The following ERICH5 variants were observed in gnomAD, a reference collection of about 807,000 sequenced individuals.
ERICH5 encodes the protein glutamate rich 5, also known as glutamate-rich protein 5.
In ERICH5, 24 loss-of-function variants were observed where a neutral mutation model predicts 28.0. The ratio of observed to expected loss-of-function variants is 0.86; its 90% confidence interval spans 0.62 to 1.21. The LOEUF (loss-of-function observed/expected upper bound fraction) is 1.21. ERICH5 is among the 50% of genes most tolerant of loss of function. The pLI is 0.00. For synonymous variants in ERICH5, 163 were observed against 157.6 expected (o/e 1.03, Z -0.25); for missense variants, 421 against 441.2 (o/e 0.95, Z 0.41).
At chr8:98,081,486 G>T (rs1021870746) in intron 1 of ERICH5, among the ~76,000 whole-genome samples, 1 of 152,138 alleles carries the variant, frequency 6.6e-6, no homozygotes, top group Non-Finnish European at 1.5e-5. Context: ...AAGATTAGTG[G>T]GTGCTAGTCT....
At position 98,091,888 on chromosome 8, in the gene ERICH5, CT is replaced by C. The variant is rs1215335302; in HGVS notation, c.1013-1330del. Among the ~76,000 whole-genome samples the C allele has an allele frequency of 3.6e-4, 28 of 77,810 alleles. 2 individuals carry two copies. The highest frequency in any genetic ancestry group is 1.3e-3 in the African/African-American group (23 of 17,224). 51.0% of individuals were successfully genotyped at this position (77,810 alleles called of 152,430 possible). On this transcript the variant is annotated intron_variant, in intron 2 of 2. Transcript: ENST00000318528. ...TCTTTCTTTCTTTCTTTCTTTCTTT[CT>C]TTCTTTCTTTCCTTTCTTTCTTTCT...
At chr8:98,079,371 C>T (rs1032054462) in intron 1 of ERICH5, among the ~76,000 whole-genome samples, 4 of 151,692 alleles carry the variant, frequency 2.6e-5, no homozygotes, top group Non-Finnish European at 5.9e-5. Flanking sequence ...ACCCCTGTGC[C>T]CACCCAGATC....
At chr8:98,091,993 C>CTTCCTTCCTTCCTTCCTTCCTT (rs1554621761) in intron 2 of ERICH5, among the ~76,000 whole-genome samples, 7 of 55,024 alleles carry the variant, frequency 1.3e-4, no homozygotes, top group African/African-American at 3.5e-4. Context: ...TCTCTCTCTC[C>CTTCCTTCCTTCCTTCCTTCCTT]CCTTCCTTCC....
At chr8:98,076,798 G>A (rs1815062674) in intron 1 of ERICH5, among the ~76,000 whole-genome samples, 1 of 148,726 alleles carries the variant, frequency 6.7e-6, no homozygotes, top group Admixed American at 7.0e-5. Flanking sequence ...ATTCTGGGGT[G>A]GAGCCCAAGA....
chr8:98,089,727 T>G lies in ERICH5; in HGVS notation c.710T>G (p.Val237Gly), dbSNP rs750333521. The G allele has an allele frequency of 1.4e-5, 22 of 1,613,932 alleles. No homozygotes were observed. The highest frequency in any genetic ancestry group is 2.7e-5 in the African/African-American group (2 of 74,888). ...GAAATATTGGAAGGAAGTCAGTTTG[T>G]GGAAACAGCTGAAGAGCAGCAACTT... ...SPEILEGSQF[V>G]ETAEEQQLQA... Residue 237 changes from valine (V) to glycine (G), a missense_variant, in exon 2 of 3, where the codon GTG (valine) becomes GGG (glycine). Transcript: ENST00000318528.
At position 98,093,140 on chromosome 8, in the gene ERICH5, C is replaced by T; in HGVS notation, c.1013-81C>T. On this transcript the variant is annotated intron_variant, in intron 2 of 2. Coordinates refer to ENST00000318528, the MANE Select transcript of ERICH5 (RefSeq NM_173549.3). The stretch of plus-strand genomic sequence containing the variant: ...TTAGACCTGAAGATCAAGAACTGCC[C>T]CCATTGGAGACAAACTGTGGGATAA... 5 of 929,188 alleles carry T rather than the reference C, an allele frequency of 5.4e-6. 1 individual carries two copies. In the South Asian group the frequency reaches 8.1e-5, roughly 15 times the overall value. The allele number at this position is 929,188 out of a possible 1,614,324, so 57.6% of individuals were successfully genotyped here. A position where few individuals can be genotyped will look rare whatever the true frequency, so the allele number is the denominator to read the frequency against.
intron 2 of ERICH5, among the ~76,000 whole-genome samples, chr8:98,090,665 T>G (rs1815368956): frequency 6.6e-6 from 1 of 151,932 alleles, no homozygotes; most frequent in Admixed American, 6.5e-5. Flanking sequence ...CTTGTTCTTC[T>G]GCAGTTTTAA....
intron 2 of ERICH5, among the ~76,000 whole-genome samples, chr8:98,090,944 T>A (rs4735526): frequency 0.24 from 35,915 of 151,974 alleles, 4,437 homozygotes; most frequent in Non-Finnish European, 0.27. Context: ...TTAATTAATT[T>A]ATTTATTTTT....
intron 2 of ERICH5, among the ~76,000 whole-genome samples, chr8:98,091,280 A>G (rs1815377825): frequency 6.6e-6 from 1 of 152,142 alleles, no homozygotes; most frequent in South Asian, 2.1e-4. Context: ...ATGCCTAAAC[A>G]TATGCTAGGT....
At chr8:98,081,954 C>T (rs1045326147) in intron 1 of ERICH5, among the ~76,000 whole-genome samples, 1 of 151,780 alleles carries the variant, frequency 6.6e-6, no homozygotes, top group Admixed American at 6.6e-5. Context: ...TTCCCCTATA[C>T]TGTAGGTCTA....
At chr8:98,077,284 G>C (rs1436618883) in intron 1 of ERICH5, among the ~76,000 whole-genome samples, 1 of 152,136 alleles carries the variant, frequency 6.6e-6, no homozygotes, top group African/African-American at 2.4e-5. Flanking sequence ...TATTTGGGTT[G>C]GTGAAGTGTC....
chr8:98,091,983 TC>T (rs1563759784), intron 2 of ERICH5, among the ~76,000 whole-genome samples: 5 of 9,138 alleles, frequency 5.5e-4, no homozygotes, highest in African/African-American at 1.5e-3. Context: ...TTTTCTTCTC[TC>T]TCTCTCTCCC....
intron 1 of ERICH5, among the ~76,000 whole-genome samples, chr8:98,088,298 A>G (rs1815315952): frequency 6.6e-6 from 1 of 152,192 alleles, no homozygotes; most frequent in Non-Finnish European, 1.5e-5. Flanking sequence ...CTTTTAAACT[A>G]TCACGCCTCA....
chr8:98,088,865 G>A (rs748932509), intron 1 of ERICH5, among the ~76,000 whole-genome samples: 17 of 152,148 alleles, frequency 1.1e-4, no homozygotes, highest in South Asian at 4.1e-4. Flanking sequence ...GGACTTCAGC[G>A]CTTAAGATTA....
At chr8:98,069,311 A>G (rs899972873) in intron 1 of ERICH5, among the ~76,000 whole-genome samples, 42 of 152,090 alleles carry the variant, frequency 2.8e-4, no homozygotes, top group Non-Finnish European at 7.4e-5. Flanking sequence ...TGAAAAGTAT[A>G]CCTTCCACCC....
At position 98,089,355 on chromosome 8, in the gene ERICH5, C is replaced by T. The variant is rs1424613391; in HGVS notation, c.338C>T (p.Ser113Phe). ...KTQPGEGLEE[S>F]GPPQPGGKED... ...CAGCCTGGAGAGGGACTGGAGGAATCTGGGCCGCCTCAACCAGGTGGCAAA... is the reference window on the plus strand; with the variant it reads ...CAGCCTGGAGAGGGACTGGAGGAATTTGGGCCGCCTCAACCAGGTGGCAAA... The change falls in exon 2 of 3, where the codon TCT becomes TTT. Residue 113 changes from serine (S) to phenylalanine (F), a missense_variant. By Grantham distance (155) the Ser-to-Phe change is radical. Transcript: ENST00000318528. 3 of 1,614,250 alleles carry T rather than the reference C, an allele frequency of 1.9e-6. No individual in the cohort carries two copies. Among genetic ancestry groups the T allele is most frequent in the South Asian group, 1.1e-5 (1 of 91,084 alleles).
intron 1 of ERICH5, among the ~76,000 whole-genome samples, chr8:98,069,338 T>G (rs1278656892): frequency 6.6e-6 from 1 of 152,066 alleles, no homozygotes; most frequent in African/African-American, 2.4e-5. Flanking sequence ...CATCATCTAT[T>G]TAGTTCGAAT....
At chr8:98,075,175 C>T (rs1383684622) in intron 1 of ERICH5, among the ~76,000 whole-genome samples, 1 of 152,030 alleles carries the variant, frequency 6.6e-6, no homozygotes, top group African/African-American at 2.4e-5. Context: ...TTCTCACTGC[C>T]CCCTAGACTT....
intron 1 of ERICH5, among the ~76,000 whole-genome samples, chr8:98,070,719 G>GAA (rs1172341575): frequency 3.1e-5 from 4 of 130,308 alleles, no homozygotes; most frequent in Non-Finnish European, 6.8e-5. Context: ...TGAAAGAAAA[G>GAA]AAAAAAAAGC....
Sources: allele counts gnomAD v4.1 joint callset (sites outside exome capture counted in the v4.1 genomes callset), GRCh38; gene constraint gnomAD v4.1.1; transcripts MANE v1.5; gene names NCBI Gene and HGNC (gene_info 2026-07-23, HGNC 2026-07-21).